The following CFAP52 variants were observed in gnomAD, a reference collection of about 807,000 sequenced individuals.
CFAP52 encodes the protein cilia and flagella associated protein 52.
CFAP52 carries 57 observed loss-of-function variants against 70.5 expected under a neutral mutation model. The observed-to-expected ratio is 0.81, with a 90% CI of 0.65 to 1.01. The LOEUF is 1.01. Among genes scored for constraint, CFAP52 ranks in the 50% least tolerant of loss-of-function variants. The probability of loss-of-function intolerance (pLI) is 0.00; values close to 1 mark genes in which losing one functional copy is unlikely to be tolerated. For synonymous variants in CFAP52, 267 were observed against 292.5 expected (o/e 0.91, Z 0.89); for missense variants, 785 against 788.5 (o/e 1.00, Z 0.05).
Position 9,635,503 on chromosome 17 carries a change from C to T in CFAP52, c.1419C>T (p.Asn473=), listed in dbSNP as rs746643469. The part of the protein sequence containing the change: ...SVSCIRVKRN[N]EECVTASTDG... ...CCTGCATTAGGGTGAAGAGGAACAA[C>T]GAGGAGTGTGTCACCGCCAGCACCG... Residue 473 remains asparagine (N), a synonymous_variant, in exon 11 of 14, where the codon AAC becomes AAT. Coordinates refer to ENST00000352665, the MANE Select transcript of CFAP52 (RefSeq NM_145054.5). 38 of 1,613,986 alleles carry T rather than the reference C, an allele frequency of 2.4e-5. No individual in the cohort carries two copies. The East Asian group carries it at 2.9e-4, about 12-fold the overall frequency.
At chr17:9,605,478 C>G (rs1364720070) in intron 6 of CFAP52, among the ~76,000 whole-genome samples, 4 of 151,840 alleles carry the variant, frequency 2.6e-5, no homozygotes, top group South Asian at 2.1e-4. Flanking sequence ...TTGTGGGGAG[C>G]TGAGACGAGC....
intron 3 of CFAP52, among the ~76,000 whole-genome samples, chr17:9,592,780 A>T (rs1908822338): frequency 6.6e-6 from 1 of 152,178 alleles, no homozygotes. Flanking sequence ...ACTTTGAGTC[A>T]TTTCCACTTC....
intron 8 of CFAP52, among the ~76,000 whole-genome samples, chr17:9,615,316 T>C (rs942688366): frequency 6.6e-5 from 10 of 152,240 alleles, no homozygotes; most frequent in African/African-American, 2.4e-4. Flanking sequence ...ACCAATTGCA[T>C]ATGAGCTAAT....
chr17:9,596,059 G>GTATGTATATATATATA, intron 4 of CFAP52, among the ~76,000 whole-genome samples: 1 of 85,212 alleles, frequency 1.2e-5, no homozygotes, highest in East Asian at 4.7e-4. Flanking sequence ...ATATGTGTGT[G>GTATGTATATATATATA]TATATATATA....
chr17:9,597,616 A>G (rs1909069899), intron 4 of CFAP52: 1 of 152,314 alleles, frequency 6.6e-6, no homozygotes, highest in Non-Finnish European at 1.5e-5. Flanking sequence ...CATCCTGGCC[A>G]ACATGGTGAA....
chr17:9,641,658 G>C, intron 12 of CFAP52, 66 bp from the exon 13 acceptor site: 1 of 1,170,756 alleles, frequency 8.5e-7, no homozygotes, highest in Admixed American at 1.8e-5. Flanking sequence ...GCCATCTTTT[G>C]TTAGCATGTG....
intron 4 of CFAP52, among the ~76,000 whole-genome samples, chr17:9,595,129 G>A (rs934929668): frequency 2.6e-5 from 4 of 152,126 alleles, no homozygotes; most frequent in African/African-American, 2.4e-5. Context: ...GACCTCAGGT[G>A]CCTGTTTGGA....
intron 1 of CFAP52, among the ~76,000 whole-genome samples, chr17:9,579,847 C>G (rs962418005): frequency 1.3e-5 from 2 of 152,184 alleles, no homozygotes; most frequent in African/African-American, 4.8e-5. Context: ...GGATTACAGG[C>G]GTGAGCCACT....
intron 3 of CFAP52, among the ~76,000 whole-genome samples, chr17:9,589,550 T>A (rs953730331): frequency 6.6e-6 from 1 of 152,048 alleles, no homozygotes; most frequent in South Asian, 2.1e-4. Flanking sequence ...CTAGCCAACA[T>A]GGCGAGACCC....
intron 10 of CFAP52, among the ~76,000 whole-genome samples, chr17:9,633,659 C>T (rs114378209): frequency 0.015 from 2,327 of 151,002 alleles, 75 homozygotes; most frequent in African/African-American, 0.053. Context: ...CGTGGTTGTA[C>T]GAATTGTCAT....
At chr17:9,622,698 A>T (rs1910091356) in intron 8 of CFAP52, among the ~76,000 whole-genome samples, 1 of 152,176 alleles carries the variant, frequency 6.6e-6, no homozygotes, top group African/African-American at 2.4e-5. Flanking sequence ...ATTTTAATGG[A>T]GTTTGTATTG....
At chr17:9,585,246 A>G (rs187603624) in intron 1 of CFAP52, among the ~76,000 whole-genome samples, 1 of 152,216 alleles carries the variant, frequency 6.6e-6, no homozygotes, top group Non-Finnish European at 1.5e-5. Context: ...CAGAATCTGC[A>G]TTTTAACAGG....
chr17:9,616,657 C>G (rs1034938188), intron 8 of CFAP52, among the ~76,000 whole-genome samples: 2 of 149,894 alleles, frequency 1.3e-5, no homozygotes, highest in Non-Finnish European at 2.9e-5. Flanking sequence ...GATCTGAGAA[C>G]GGGCAGACTG....
intron 12 of CFAP52, chr17:9,639,129 A>G (rs1190331127): frequency 6.4e-6 from 1 of 156,450 alleles, no homozygotes; most frequent in Non-Finnish European, 1.4e-5. Flanking sequence ...TCATCAATAC[A>G]TTAAAAATCT....
Position 9,643,436 on chromosome 17 carries a change from TTAG to T in CFAP52, c.*240_*242del, listed in dbSNP as rs1292987361. On this transcript the variant is annotated 3_prime_UTR_variant, in exon 14 of 14. Transcript: ENST00000352665. Reference sequence around the variant, plus strand: ...AACTTTTAACATTTTGAATAAATTCTTAGTTGTTGGTTTTCTGTTATAATTTGT... The same window carrying T: ...AACTTTTAACATTTTGAATAAATTCTTTGTTGGTTTTCTGTTATAATTTGT... The T allele has an allele frequency of 2.7e-6, 1 of 366,552 alleles. No individual in the cohort carries two copies. Among genetic ancestry groups the T allele is most frequent in the Non-Finnish European group, 4.7e-6 (1 of 210,984 alleles). 22.7% of individuals were successfully genotyped at this position (366,552 alleles called of 1,614,324 possible). A position where few individuals can be genotyped will look rare whatever the true frequency, so the allele number is the denominator to read the frequency against.
At chr17:9,641,877 G>A in intron 13 of CFAP52, 42 bp downstream of exon 13, 1 of 1,560,860 alleles carries the variant, frequency 6.4e-7, no homozygotes, top group Non-Finnish European at 8.8e-7. Context: ...GGCTTATTTA[G>A]ACGAGGACAT....
In CFAP52 at chr17:9,577,631, C is replaced by T. The variant is rs182973731; in HGVS notation, c.70+866C>T. On this transcript the variant is annotated intron_variant, in intron 1 of 13. Transcript: ENST00000352665. ...GCATACTCTAGGACTTAGCTCTTGA[C>T]TCTTGGTTTAACTTTAACAGTCTCC... Among the ~76,000 whole-genome samples the T allele has an allele frequency of 1.2e-3, 190 of 152,362 alleles. 2 individuals carry two copies. In the South Asian group the frequency reaches 0.015, roughly 12 times the overall value.
intron 4 of CFAP52, among the ~76,000 whole-genome samples, chr17:9,597,256 A>G (rs1407684191): frequency 6.6e-6 from 1 of 152,196 alleles, no homozygotes; most frequent in East Asian, 1.9e-4. Context: ...CATTGCGTAC[A>G]TATACCACAT....
At chr17:9,591,225 CG>C (rs35456032) in intron 3 of CFAP52, among the ~76,000 whole-genome samples, 147,651 of 151,672 alleles carry the variant, frequency 0.97, 72,002 homozygotes, top group Non-Finnish European at 1. Flanking sequence ...TTAGTAGAGA[CG>C]GGGGTCTCTT....
Sources: allele counts gnomAD v4.1 joint callset (sites outside exome capture counted in the v4.1 genomes callset), GRCh38; gene constraint gnomAD v4.1.1; transcripts MANE v1.5; gene names NCBI Gene and HGNC (gene_info 2026-07-23, HGNC 2026-07-21).